The following CTNNBL1 variants were observed in gnomAD, a reference collection of about 807,000 sequenced individuals.
The protein encoded by CTNNBL1 is beta-catenin-like protein 1.
In CTNNBL1, 31 loss-of-function variants were observed where a neutral mutation model predicts 72.7. That is an observed-to-expected ratio of 0.43 (90% confidence interval 0.32 to 0.58). CTNNBL1 has a LOEUF of 0.58. Among genes scored for constraint, CTNNBL1 ranks in the 20% least tolerant of loss-of-function variants. The pLI is 0.08. For synonymous variants in CTNNBL1, 240 were observed against 267.3 expected (o/e 0.90, Z 1.00); for missense variants, 534 against 725.1 (o/e 0.74, Z 3.03).
chr20:37,713,811 A>C (rs1248700399), intron 1 of CTNNBL1, among the ~76,000 whole-genome samples: 1 of 152,182 alleles, frequency 6.6e-6, no homozygotes, highest in Non-Finnish European at 1.5e-5. Context: ...CCTTCCCATG[A>C]AACCAAGCCA....
At chr20:37,733,610 C>T (rs1476812042) in intron 2 of CTNNBL1, among the ~76,000 whole-genome samples, 3 of 152,146 alleles carry the variant, frequency 2.0e-5, no homozygotes, top group African/African-American at 7.2e-5. Flanking sequence ...TCTGTGTCCT[C>T]TGTTGGAATG....
intron 3 of CTNNBL1, chr20:37,744,580 T>A (rs1204056794): frequency 6.6e-6 from 1 of 152,192 alleles, no homozygotes; most frequent in Admixed American, 6.5e-5. Context: ...CTGTGATTGA[T>A]TCATAGTCTC....
intron 11 of CTNNBL1, among the ~76,000 whole-genome samples, chr20:37,838,818 T>C (rs1432864952): frequency 6.6e-6 from 1 of 152,084 alleles, no homozygotes; most frequent in African/African-American, 2.4e-5. Flanking sequence ...GCCTTAGAGG[T>C]TGAGGCTGCA....
chr20:37,694,605 A>G (rs1419435159), intron 1 of CTNNBL1, among the ~76,000 whole-genome samples: 4 of 152,176 alleles, frequency 2.6e-5, no homozygotes, highest in African/African-American at 7.2e-5. Context: ...TTGTATCTAT[A>G]TAGTGGAGAC....
chr20:37,707,959 G>T (rs2072903209), intron 1 of CTNNBL1, among the ~76,000 whole-genome samples: 1 of 152,022 alleles, frequency 6.6e-6, no homozygotes, highest in Non-Finnish European at 1.5e-5. Context: ...AAGAGGAAAG[G>T]CTGGTTGAGG....
At chr20:37,778,503 T>C (rs1054300503) in intron 9 of CTNNBL1, among the ~76,000 whole-genome samples, 31 of 152,160 alleles carry the variant, frequency 2.0e-4, no homozygotes, top group African/African-American at 7.5e-4. Flanking sequence ...TCCTGTGAGA[T>C]TATTGATCTT....
chr20:37,815,332 T>TTC (rs1555830950), intron 11 of CTNNBL1, among the ~76,000 whole-genome samples: 5 of 150,284 alleles, frequency 3.3e-5, no homozygotes, highest in Non-Finnish European at 1.5e-5. Flanking sequence ...TTTTTTTTTT[T>TTC]CTGAGATGGA....
intron 10 of CTNNBL1, among the ~76,000 whole-genome samples, chr20:37,794,821 A>G (rs1041978986): frequency 2.0e-5 from 3 of 151,826 alleles, no homozygotes; most frequent in Non-Finnish European, 4.4e-5. Flanking sequence ...TTTGAAATAT[A>G]TTTTCACCAG....
intron 1 of CTNNBL1, among the ~76,000 whole-genome samples, chr20:37,709,448 T>C (rs1236856450): frequency 1.3e-5 from 2 of 152,218 alleles, no homozygotes; most frequent in South Asian, 2.1e-4. Context: ...AGTCCTCTGC[T>C]GGTATATAAT....
intron 1 of CTNNBL1, among the ~76,000 whole-genome samples, chr20:37,721,510 AC>A (rs905314519): frequency 8.5e-5 from 13 of 152,086 alleles, no homozygotes; most frequent in African/African-American, 2.9e-4. Context: ...TTCTGGTGGT[AC>A]CCCCCTACCT....
At chr20:37,807,874 C>T (rs572038906) in intron 11 of CTNNBL1, among the ~76,000 whole-genome samples, 2 of 152,236 alleles carry the variant, frequency 1.3e-5, no homozygotes, top group Middle Eastern at 3.4e-3. Context: ...TTGGTATTAA[C>T]TGCTTCAGAA....
chr20:37,770,077 T>G (rs992580048), intron 7 of CTNNBL1, among the ~76,000 whole-genome samples: 2 of 152,216 alleles, frequency 1.3e-5, no homozygotes, highest in African/African-American at 2.4e-5. Context: ...CAGAGGTCAG[T>G]AAACTCTAAC....
intron 10 of CTNNBL1, among the ~76,000 whole-genome samples, chr20:37,798,967 C>A (rs1364405279): frequency 1.3e-5 from 2 of 152,172 alleles, no homozygotes; most frequent in Non-Finnish European, 2.9e-5. Flanking sequence ...TGCTGAAGTC[C>A]AGCTGCAGTG....
intron 10 of CTNNBL1, among the ~76,000 whole-genome samples, chr20:37,800,675 A>T (rs564230255): frequency 6.6e-6 from 1 of 152,276 alleles, no homozygotes; most frequent in Middle Eastern, 3.4e-3. Flanking sequence ...TCTCACTTTA[A>T]TGTAACACAT....
chr20:37,768,026 G>T lies in CTNNBL1; in HGVS notation c.732G>T (p.Trp244Cys). The T allele has an allele frequency of 6.2e-7, 1 of 1,613,934 alleles. No homozygotes were observed. The highest frequency in any genetic ancestry group is 8.5e-7 in the Non-Finnish European group (1 of 1,179,902). ...GTGCCCAGCAGGGTCTTCTACAGTG[G>T]CTGTTGAAGAGGCTGAAGGTGAGTT... The part of the protein sequence containing the change: ...TEGAQQGLLQ[W>C]LLKRLKAKMP... Residue 244 changes from tryptophan (W) to cysteine (C), a missense_variant, in exon 7 of 16, where the codon TGG (tryptophan) becomes TGT (cysteine). Trp to Cys is a radical substitution (Grantham distance 215). Transcript: ENST00000361383.
At chr20:37,731,278 C>T (rs1469293289) in intron 1 of CTNNBL1, among the ~76,000 whole-genome samples, 2 of 151,816 alleles carry the variant, frequency 1.3e-5, no homozygotes, top group Admixed American at 6.6e-5. Context: ...TCTTGTTGCC[C>T]AGGCTGGAGT....
chr20:37,754,531 T>A (rs371665502), intron 4 of CTNNBL1, among the ~76,000 whole-genome samples: 2 of 152,274 alleles, frequency 1.3e-5, no homozygotes, highest in East Asian at 3.9e-4. Flanking sequence ...TATGAACTTT[T>A]CAAGAGAATA....
At chr20:37,772,479 G>T (rs1243565706) in intron 7 of CTNNBL1, among the ~76,000 whole-genome samples, 1 of 152,172 alleles carries the variant, frequency 6.6e-6, no homozygotes, top group Non-Finnish European at 1.5e-5. Flanking sequence ...CTCCTGAGTA[G>T]CTAGGACTAC....
chr20:37,822,497 C>T (rs540572939), intron 11 of CTNNBL1, among the ~76,000 whole-genome samples: 1 of 152,278 alleles, frequency 6.6e-6, no homozygotes, highest in Non-Finnish European at 1.5e-5. Flanking sequence ...TTGCCAGAAA[C>T]CATCTGTTTT....
Sources: allele counts gnomAD v4.1 joint callset (sites outside exome capture counted in the v4.1 genomes callset), GRCh38; gene constraint gnomAD v4.1.1; transcripts MANE v1.5; gene names NCBI Gene and HGNC (gene_info 2026-07-23, HGNC 2026-07-21).